Variants in MMEL1 observed in about 807,000 individuals in gnomAD.
MMEL1 encodes the protein membrane metalloendopeptidase like 1, also known as membrane metallo-endopeptidase-like 1.
In MMEL1, 98 loss-of-function variants were observed where a neutral mutation model predicts 117.1. The ratio of observed to expected loss-of-function variants is 0.84; its 90% CI spans 0.71 to 0.99. The LOEUF (loss-of-function observed/expected upper bound fraction) is 0.99, where lower values mean the gene tolerates loss of function less well. Among genes scored for constraint, MMEL1 ranks in the 50% least tolerant of loss-of-function variants. The pLI, the probability that MMEL1 is intolerant of heterozygous loss-of-function variation, is 0.00. For missense variants in MMEL1, 1,014 were observed against 1,049.1 expected (o/e 0.97, Z 0.46); for synonymous variants, 390 against 415.1 (o/e 0.94, Z 0.74).
At chr1:2,617,707 A>G (rs1645226652) in intron 2 of MMEL1, among the ~76,000 whole-genome samples, 1 of 152,196 alleles carries the variant, frequency 6.6e-6, no homozygotes, top group African/African-American at 2.4e-5. Flanking sequence ...GTGGCAGGGC[A>G]TGAACCTCCA....
intron 2 of MMEL1, among the ~76,000 whole-genome samples, chr1:2,622,809 TG>T (rs1570710167): frequency 1.4e-5 from 2 of 142,320 alleles, no homozygotes; most frequent in Admixed American, 7.3e-5. Context: ...CGCTTGAATC[TG>T]GGGGCGAAGG....
chr1:2,629,400 G>C lies in MMEL1; in HGVS notation c.85C>G (p.Leu29Val), dbSNP rs746478174. The C allele has an allele frequency of 1.9e-6, 3 of 1,545,536 alleles. No homozygotes were observed. The highest frequency in any genetic ancestry group is 2.6e-6 in the Non-Finnish European group (3 of 1,146,088). ...QKRPGFLEGG[L>V]LLLLLLVTAA... ...GTCACCAGCAGCAGCAGCAGCAGCAGCCCCCCCTCCAGGAACCCCGGGCGC... is the reference window on the plus strand; with the variant it reads ...GTCACCAGCAGCAGCAGCAGCAGCACCCCCCCCTCCAGGAACCCCGGGCGC... Residue 29 changes from leucine to valine, a missense_variant, in exon 2 of 24, where the codon CTG becomes GTG. By Grantham distance (32) the Leu-to-Val change is conservative. Transcript: ENST00000378412.
chr1:2,611,671 G>A (rs561815608), intron 3 of MMEL1, among the ~76,000 whole-genome samples: 11 of 152,270 alleles, frequency 7.2e-5, no homozygotes, highest in Non-Finnish European at 1.0e-4. Context: ...GTCCTTGACC[G>A]CTGCAGGGAC....
At chr1:2,596,183 G>C in intron 14 of MMEL1, 76 bp from the exon 15 acceptor site, 1 of 1,386,736 alleles carries the variant, frequency 7.2e-7, no homozygotes, top group Non-Finnish European at 1.0e-6. Context: ...CTTTGGGGAG[G>C]TCTGGTCTGA....
In MMEL1 at chr1:2,594,862, T is replaced by C; in HGVS notation, c.1616A>G (p.Asn539Ser). The change falls in exon 17 of 24, where the codon AAC becomes AGC. Residue 539 changes from asparagine (N) to serine (S), a missense_variant. Physicochemically the swap from Asn to Ser is conservative, Grantham distance 46. Coordinates refer to ENST00000378412, the MANE Select transcript of MMEL1 (RefSeq NM_033467.4). ...GCCCACCTTGAGGTTCTGCAGACTG[T>C]TCTCAAAGTACAGGTCCTCTGAGAA... ...LNFSEDLYFENSLQNLKVGAQ... is the reference protein window; with the variant it reads ...LNFSEDLYFESSLQNLKVGAQ... 1.9e-6 allele frequency: 3 copies of C among 1,613,924 alleles called. No individual in the cohort carries two copies. The highest frequency in any genetic ancestry group is 2.5e-6 in the Non-Finnish European group (3 of 1,179,956).
At chr1:2,622,478 G>A (rs1052766994) in intron 2 of MMEL1, among the ~76,000 whole-genome samples, 2 of 152,340 alleles carry the variant, frequency 1.3e-5, no homozygotes, top group Non-Finnish European at 1.5e-5. Flanking sequence ...TGCCCAAGAT[G>A]TAAGAAGAAA....
intron 2 of MMEL1, among the ~76,000 whole-genome samples, chr1:2,622,913 C>T (rs1457806883): frequency 1.4e-5 from 2 of 145,238 alleles, no homozygotes; most frequent in Non-Finnish European, 3.0e-5. Flanking sequence ...AGTCCAGGAG[C>T]GGTGGCTTAC....
chr1:2,618,017 T>C (rs569588901), intron 2 of MMEL1, among the ~76,000 whole-genome samples: 60 of 152,380 alleles, frequency 3.9e-4, no homozygotes, highest in African/African-American at 1.2e-3. Context: ...TTTTAAAAAC[T>C]ATTTTTGACA....
rs546601920 is a variant in MMEL1, at chr1:2,590,891, C to T, written c.*99G>A. 37 of 970,398 alleles carry T rather than the reference C, an allele frequency of 3.8e-5. No individual in the cohort carries two copies. Among genetic ancestry groups the T allele is most frequent in the Admixed American group, 3.6e-4 (9 of 25,058 alleles). 60.1% of individuals were successfully genotyped at this position (970,398 alleles called of 1,614,324 possible). A position where few individuals can be genotyped will look rare whatever the true frequency, so the allele number is the denominator to read the frequency against. On this transcript the variant is annotated 3_prime_UTR_variant, in exon 24 of 24. Coordinates refer to ENST00000378412, the MANE Select transcript of MMEL1 (RefSeq NM_033467.4). ...GGCAGGCAGGCTTGGCATGGTTGGCCGGGGCGGGACGTACACTGGGTCGCC... is the reference window on the plus strand; with the variant it reads ...GGCAGGCAGGCTTGGCATGGTTGGCTGGGGCGGGACGTACACTGGGTCGCC...
At chr1:2,630,389 TAC>T (rs1164242030) in intron 1 of MMEL1, among the ~76,000 whole-genome samples, 10 of 152,220 alleles carry the variant, frequency 6.6e-5, no homozygotes, top group Non-Finnish European at 1.3e-4. Flanking sequence ...TATGATCGTG[TAC>T]ACACACGTGT....
At chr1:2,624,902 A>G (rs1237171821) in intron 2 of MMEL1, among the ~76,000 whole-genome samples, 2 of 152,188 alleles carry the variant, frequency 1.3e-5, no homozygotes, top group Non-Finnish European at 2.9e-5. Context: ...AAGGGGACGC[A>G]AGCACGTCTC....
chr1:2,602,880 C>T (rs950966321), intron 11 of MMEL1, among the ~76,000 whole-genome samples: 2 of 147,666 alleles, frequency 1.4e-5, no homozygotes, highest in Non-Finnish European at 2.9e-5. Context: ...CATCCTGCCC[C>T]CTTTCTGGCT....
At chr1:2,611,120 C>T (rs1446271006) in intron 4 of MMEL1, among the ~76,000 whole-genome samples, 161 bp downstream of exon 4, 1 of 152,372 alleles carries the variant, frequency 6.6e-6, no homozygotes, top group African/African-American at 2.4e-5. Flanking sequence ...GAAACACCAG[C>T]TCCGCCCGCT....
Position 2,598,757 on chromosome 1 carries a change from G to A in MMEL1, c.1075C>T (p.Leu359=), listed in dbSNP as rs1570660084. 1.2e-6 allele frequency: 2 copies of A among 1,614,080 alleles called. No homozygotes were observed. Among genetic ancestry groups the A allele is most frequent in the Admixed American group, 1.7e-5 (1 of 60,022 alleles). Residue 359 remains leucine, a synonymous_variant, in exon 12 of 24, where the codon CTA becomes TTA. Coordinates refer to ENST00000378412, the MANE Select transcript of MMEL1 (RefSeq NM_033467.4). ...AGCAGCTTGATTTTGACAGAGGATA[G>A]CACAGTTTGTATGAACAGAGTCCAG... The part of the protein sequence containing the change: ...FNWTLFIQTV[L]SSVKIKLLPD...
chr1:2,627,563 T>C (rs1357191843), intron 2 of MMEL1, among the ~76,000 whole-genome samples: 2 of 152,018 alleles, frequency 1.3e-5, no homozygotes, highest in African/African-American at 4.8e-5. Context: ...CCAGCAAATA[T>C]CAAAGAAAGA....
chr1:2,595,448 G>A lies in MMEL1; in HGVS notation c.1501-89C>T, dbSNP rs1041316245. 6.0e-6 allele frequency: 7 copies of A among 1,169,922 alleles called. No homozygotes were observed. Among genetic ancestry groups the A allele is most frequent in the African/African-American group, 1.5e-5 (1 of 66,262 alleles). The allele number at this position is 1,169,922 out of a possible 1,614,324, so 72.5% of individuals were successfully genotyped here. On this transcript the variant is annotated intron_variant, in intron 15 of 23. Transcript: ENST00000378412. The surrounding 1 kb of genome is among the most constrained non-coding windows in gnomAD (Gnocchi z 4.8). ...GGTCAGTGAGTGCCACACTGTGGGA[G>A]GGGTCAGCCCGGGGCATCCTGGCTG... is the stretch of plus-strand genomic sequence containing the variant.
chr1:2,596,328 CA>C (rs1243276891), intron 14 of MMEL1, among the ~76,000 whole-genome samples: 1 of 152,124 alleles, frequency 6.6e-6, no homozygotes, highest in Non-Finnish European at 1.5e-5. Flanking sequence ...GGGCCAGGGG[CA>C]ACTTGTACCA....
chr1:2,615,297 A>G (rs1645184980), intron 2 of MMEL1, among the ~76,000 whole-genome samples: 1 of 152,212 alleles, frequency 6.6e-6, no homozygotes, highest in South Asian at 2.1e-4. Flanking sequence ...TAACATCAAC[A>G]GTGATAAGTC....
At chr1:2,629,252 C>T (rs1638419434) in intron 2 of MMEL1, 79 bp downstream of exon 2, 1 of 1,416,266 alleles carries the variant, frequency 7.1e-7, no homozygotes, top group East Asian at 2.7e-5. Context: ...TGGGGGCAGG[C>T]GGACCCTGCA....
Sources: allele counts gnomAD v4.1 joint callset (sites outside exome capture counted in the v4.1 genomes callset), GRCh38; gene constraint gnomAD v4.1.1; non-coding constraint Gnocchi (gnomAD v3.1); transcripts MANE v1.5; gene names NCBI Gene and HGNC (gene_info 2026-07-23, HGNC 2026-07-21).